MXD1: variants seen among roughly 807,000 people sequenced by gnomAD.
MXD1 encodes the protein MAX-binding protein.
Under a neutral mutation model 25.7 loss-of-function variants are expected in MXD1, and 9 were observed. The ratio of observed to expected loss-of-function variants is 0.35; its 90% CI spans 0.21 to 0.61. The LOEUF (loss-of-function observed/expected upper bound fraction) is 0.61, where lower values mean the gene tolerates loss of function less well. Among genes scored for constraint, MXD1 ranks in the 20% least tolerant of loss-of-function variants. MXD1 has a pLI of 0.75. For synonymous variants in MXD1, 99 were observed against 113.9 expected (o/e 0.87, Z 0.83); for missense variants, 227 against 292.4 (o/e 0.78, Z 1.63).
At chr2:69,924,475 T>A (rs544872035) in intron 3 of MXD1, among the ~76,000 whole-genome samples, 1 of 152,286 alleles carries the variant, frequency 6.6e-6, no homozygotes, top group African/African-American at 2.4e-5. Context: ...CAAGCATTGG[T>A]TGCTGCAGTT....
rs976817835 is a variant in MXD1 at position 69,942,512 on chromosome 2, C to T, written c.*4228C>T. On this transcript the variant is annotated 3_prime_UTR_variant, in exon 6 of 6. Transcript: ENST00000264444. ...AATCATAAAGTGAGAATTCATAAGG[C>T]ACCCAATGTTAAGATTTATCCAGAT... 1.3e-5 allele frequency: 2 copies of T among 152,170 alleles called. No individual in the cohort carries two copies. The highest frequency in any genetic ancestry group is 4.8e-5 in the African/African-American group (2 of 41,442). The allele number at this position is 152,170 out of a possible 1,614,324, so 9.4% of individuals were successfully genotyped here.
rs1254258742 is a variant in MXD1 at position 69,938,987 on chromosome 2, G to A, written c.*703G>A. On this transcript the variant is annotated 3_prime_UTR_variant, in exon 6 of 6. Coordinates refer to ENST00000264444, the MANE Select transcript of MXD1 (RefSeq NM_002357.4). ...AAACAAAACGGTACAATCTATTTTTGTGCGATGTTCTTGGGACCTCGCTGT... is the reference window on the plus strand; with the variant it reads ...AAACAAAACGGTACAATCTATTTTTATGCGATGTTCTTGGGACCTCGCTGT... 6.6e-6 allele frequency: 1 copy of A among 152,478 alleles called. No homozygotes were observed. Among genetic ancestry groups the A allele is most frequent in the Admixed American group, 6.6e-5 (1 of 15,258 alleles). 9.4% of individuals were successfully genotyped at this position (152,478 alleles called of 1,614,324 possible).
At position 69,938,125 on chromosome 2, in the gene MXD1, G is replaced by A. The variant is rs779300408; in HGVS notation, c.507G>A (p.Thr169=). The stretch of plus-strand genomic sequence containing the variant: ...AAATCGACGTTGACGTGGAGAGCAC[G>A]GACTATCTCACAGGTGATCTGGACT... The part of the protein sequence containing the change: ...REEIDVDVES[T]DYLTGDLDWS... Residue 169 remains threonine (T), a synonymous_variant, in exon 6 of 6, where the codon ACG becomes ACA. Transcript: ENST00000264444. 42 of 1,614,084 alleles carry A rather than the reference G, an allele frequency of 2.6e-5. No individual in the cohort carries two copies. The highest frequency in any genetic ancestry group is 1.6e-4 in the Middle Eastern group (1 of 6,084).
At chr2:69,936,147 A>C (rs1677433159) in intron 4 of MXD1, among the ~76,000 whole-genome samples, 1 of 151,916 alleles carries the variant, frequency 6.6e-6, no homozygotes, top group South Asian at 2.1e-4. Flanking sequence ...ACTTCTACTT[A>C]TTCTTCAGAT....
chr2:69,929,254 ACACACATACC>A (rs1467410354), intron 3 of MXD1, among the ~76,000 whole-genome samples: 1 of 152,208 alleles, frequency 6.6e-6, no homozygotes, highest in Non-Finnish European at 1.5e-5. Flanking sequence ...CTTCAAACAC[ACACACATACC>A]CACACACCCT....
At chr2:69,927,064 A>G (rs763289091) in intron 3 of MXD1, among the ~76,000 whole-genome samples, 28 of 152,212 alleles carry the variant, frequency 1.8e-4, no homozygotes, top group Non-Finnish European at 2.6e-4. Flanking sequence ...CTGCAGCCCA[A>G]TCTAAGCTGT....
At chr2:69,931,272 A>G (rs978307517) in intron 3 of MXD1, among the ~76,000 whole-genome samples, 15 of 152,022 alleles carry the variant, frequency 9.9e-5, no homozygotes, top group Non-Finnish European at 1.9e-4. Flanking sequence ...GGTGTTATCC[A>G]TTCTTTTAAG....
At chr2:69,932,755 C>T (rs1045719037) in intron 3 of MXD1, among the ~76,000 whole-genome samples, 4 of 152,144 alleles carry the variant, frequency 2.6e-5, no homozygotes, top group African/African-American at 9.7e-5. Flanking sequence ...ATATTTTTAT[C>T]AGTGGACAAA....
intron 4 of MXD1, 168 bp from the exon 5 acceptor site, chr2:69,937,067 G>T: frequency 2.3e-6 from 2 of 864,870 alleles, no homozygotes; most frequent in Non-Finnish European, 4.0e-6. Context: ...ACGAAGCCAG[G>T]AGTCACTGGC....
intron 3 of MXD1, among the ~76,000 whole-genome samples, chr2:69,927,524 G>A (rs969991465): frequency 3.3e-5 from 5 of 152,160 alleles, no homozygotes; most frequent in African/African-American, 9.7e-5. Flanking sequence ...GGCAAGACTT[G>A]GAGGAGAGAC....
Position 69,938,279 on chromosome 2 carries a change from C to T in MXD1, c.661C>T (p.Leu221Phe). Reference protein sequence around the residue: ...LQDSHKACLGL With the variant: ...LQDSHKACLGF ...GGACAGTCACAAGGCGTGTCTTGGT[C>T]TCTAAGAGAGTGGGCACTGCGGCTG... Residue 221 changes from leucine (L) to phenylalanine (F), a missense_variant, in exon 6 of 6, where the codon CTC becomes TTC. By Grantham distance (22) the Leu-to-Phe change is conservative. Coordinates refer to ENST00000264444, the MANE Select transcript of MXD1 (RefSeq NM_002357.4). 6.2e-7 allele frequency: 1 copy of T among 1,614,030 alleles called. No homozygotes were observed. The highest frequency in any genetic ancestry group is 1.1e-5 in the South Asian group (1 of 91,070).
In MXD1 at chr2:69,915,429, C is replaced by T. The variant is rs950361116; in HGVS notation, c.73+26C>T. 1 of 1,265,766 alleles carries T rather than the reference C, an allele frequency of 7.9e-7. No homozygotes were observed. Among genetic ancestry groups the T allele is most frequent in the Non-Finnish European group, 1.0e-6 (1 of 995,926 alleles). The allele number at this position is 1,265,766 out of a possible 1,614,324, so 78.4% of individuals were successfully genotyped here. The stretch of plus-strand genomic sequence containing the variant: ...GTGCACGGGGACGGGGAGGGGTCCA[C>T]TCGAAACGAGGCCGGGGGTCCTGTG... On this transcript the variant is annotated intron_variant, in intron 1 of 5. Transcript: ENST00000264444. This position sits in a 1 kb window ranked among gnomAD's most constrained non-coding sequence, Gnocchi z 5.8.
chr2:69,920,278 G>A (rs533710880), intron 2 of MXD1, among the ~76,000 whole-genome samples: 4 of 152,294 alleles, frequency 2.6e-5, no homozygotes, highest in Admixed American at 1.3e-4. Flanking sequence ...GAACCACTGC[G>A]CCTAGCCTGA....
chr2:69,934,318 G>A (rs1383442740), intron 3 of MXD1, among the ~76,000 whole-genome samples: 2 of 152,160 alleles, frequency 1.3e-5, no homozygotes, highest in Admixed American at 6.5e-5. Flanking sequence ...CCAAATCTCA[G>A]CTGCTTCTTA....
chr2:69,931,256 A>T (rs987315483), intron 3 of MXD1, among the ~76,000 whole-genome samples: 1 of 152,150 alleles, frequency 6.6e-6, no homozygotes, highest in African/African-American at 2.4e-5. Flanking sequence ...GTGCTATCAA[A>T]TACTAGGTGT....
At position 69,938,521 on chromosome 2, in the gene MXD1, C is replaced by A. The variant is rs1677515525; in HGVS notation, c.*237C>A. 4.3e-6 allele frequency: 2 copies of A among 468,460 alleles called. No homozygotes were observed. The highest frequency in any genetic ancestry group is 5.4e-5 in the South Asian group (2 of 37,122). The allele number at this position is 468,460 out of a possible 1,614,324, so 29.0% of individuals were successfully genotyped here. ...TCTCTGAGAGACTATACATTCCAAT[C>A]AATTTGAAGCATCCAAGAATTCTTA... On this transcript the variant is annotated 3_prime_UTR_variant, in exon 6 of 6. Coordinates refer to ENST00000264444, the MANE Select transcript of MXD1 (RefSeq NM_002357.4).
At chr2:69,917,328 G>C (rs1378065859) in intron 2 of MXD1, among the ~76,000 whole-genome samples, 1 of 152,164 alleles carries the variant, frequency 6.6e-6, no homozygotes, top group Non-Finnish European at 1.5e-5. Flanking sequence ...GATCAACCTG[G>C]TAATTACCTG....
intron 3 of MXD1, among the ~76,000 whole-genome samples, chr2:69,928,550 G>A (rs1393882077): frequency 6.6e-6 from 1 of 152,074 alleles, no homozygotes; most frequent in Non-Finnish European, 1.5e-5. Flanking sequence ...TCAAAGGTAG[G>A]GACTTGATCT....
intron 3 of MXD1, among the ~76,000 whole-genome samples, chr2:69,933,125 G>A (rs1677334299): frequency 6.7e-6 from 1 of 148,506 alleles, no homozygotes; most frequent in African/African-American, 2.5e-5. Flanking sequence ...GTTGAGCCTG[G>A]GAGGCAGAGG....
Sources: gnomAD v4.1 joint callset for allele counts (sites outside exome capture counted in the v4.1 genomes callset) on GRCh38, gnomAD v4.1.1 for gene constraint, Gnocchi (gnomAD v3.1) non-coding constraint, MANE v1.5 for transcripts, NCBI Gene and HGNC (gene_info 2026-07-23, HGNC 2026-07-21) for gene names.